Variants in COL4A4 observed in about 807,000 individuals in gnomAD.
COL4A4 encodes the protein collagen alpha-4(IV) chain.
Under a neutral mutation model 192.9 loss-of-function variants are expected in COL4A4, and 105 were observed. That is an observed-to-expected ratio of 0.54 (90% CI 0.46 to 0.64). COL4A4 has a LOEUF of 0.64. COL4A4 is among the 30% of genes least tolerant of loss of function. The pLI is 0.00. For synonymous variants in COL4A4, 762 were observed against 769.9 expected (o/e 0.99, Z 0.17); for missense variants, 1,967 against 2,169.3 (o/e 0.91, Z 1.85).
chr2:227,132,438 T>C (rs1559704534), intron 4 of COL4A4, among the ~76,000 whole-genome samples: 1 of 152,170 alleles, frequency 6.6e-6, no homozygotes. Flanking sequence ...GCCGAATGAA[T>C]GGAAAGCTAT....
In COL4A4 at chr2:227,090,477, G is replaced by A. The variant is rs183407513; in HGVS notation, c.1370-520C>T. ...AAAAAAGCATAAACTGGCCTGGTGC[G>A]ATGGCTCACACCTGTAATCCCAGCA... On this transcript the variant is annotated intron_variant, in intron 20 of 47. Coordinates refer to ENST00000396625, the MANE Select transcript of COL4A4 (RefSeq NM_000092.5). 7.5e-4 allele frequency among the ~76,000 whole-genome samples: 114 copies of A among 152,234 alleles called. 1 individual carries two copies. The South Asian group carries it at 0.011, about 14-fold the overall frequency.
intron 24 of COL4A4, among the ~76,000 whole-genome samples, chr2:227,078,364 T>C (rs1488167725): frequency 1.3e-5 from 2 of 152,136 alleles, no homozygotes; most frequent in African/African-American, 2.4e-5. Context: ...TGCCTCAGCC[T>C]CCTGAGTAGC....
the COL4A4 span, among the ~76,000 whole-genome samples, chr2:226,985,797 G>A: frequency 1.4e-4 from 22 of 152,226 alleles, no homozygotes; most frequent in Non-Finnish European, 2.8e-4. Context: ...GGTTAGGGAT[G>A]ATTCCAGACC....
chr2:226,973,011 A>G, the COL4A4 span, among the ~76,000 whole-genome samples: 3 of 151,534 alleles, frequency 2.0e-5, no homozygotes, highest in South Asian at 6.2e-4. Flanking sequence ...ATTTCTTGGT[A>G]GGCCTGGACT....
intron 37 of COL4A4, among the ~76,000 whole-genome samples, chr2:227,036,329 A>G (rs1282263251): frequency 1.3e-5 from 2 of 152,156 alleles, no homozygotes; most frequent in East Asian, 1.9e-4. Context: ...GCCTGAAAAC[A>G]TTACTCGACA....
intron 12 of COL4A4, among the ~76,000 whole-genome samples, chr2:227,105,890 A>T (rs560521858): frequency 2.0e-4 from 30 of 152,268 alleles, no homozygotes; most frequent in African/African-American, 7.2e-4. Context: ...GGAGATTGTA[A>T]TATTACCTAC....
intron 28 of COL4A4, among the ~76,000 whole-genome samples, chr2:227,059,170 AGTT>A (rs1277223604): frequency 6.6e-6 from 1 of 152,232 alleles, no homozygotes; most frequent in Non-Finnish European, 1.5e-5. Flanking sequence ...AATCAAATTG[AGTT>A]GAATGAACCA....
intron 4 of COL4A4, among the ~76,000 whole-genome samples, chr2:227,139,012 A>T (rs1169693391): frequency 6.6e-6 from 1 of 152,222 alleles, no homozygotes; most frequent in African/African-American, 2.4e-5. Flanking sequence ...CCCCAAGGTG[A>T]TAGTAGGAGG....
chr2:226,990,596 T>C, the COL4A4 span, among the ~76,000 whole-genome samples: 3 of 152,186 alleles, frequency 2.0e-5, no homozygotes, highest in African/African-American at 7.2e-5. Flanking sequence ...CTCATGGTGT[T>C]CCTTTTAGCA....
chr2:226,991,064 T>A, the COL4A4 span, among the ~76,000 whole-genome samples: 4 of 152,236 alleles, frequency 2.6e-5, no homozygotes, highest in Non-Finnish European at 2.9e-5. Flanking sequence ...TTTTTATATC[T>A]ATTTCTCAGA....
intron 4 of COL4A4, among the ~76,000 whole-genome samples, chr2:227,124,262 T>C (rs1409690553): frequency 2.6e-5 from 4 of 151,494 alleles, no homozygotes; most frequent in Non-Finnish European, 4.4e-5. Context: ...TTCTATGAGG[T>C]TGGTGCAAAA....
the COL4A4 span, among the ~76,000 whole-genome samples, chr2:226,984,522 C>T: frequency 6.6e-6 from 1 of 152,204 alleles, no homozygotes; most frequent in Non-Finnish European, 1.5e-5. Context: ...CCTCCACATG[C>T]CATCACATTG....
chr2:226,978,773 C>T, the COL4A4 span, among the ~76,000 whole-genome samples: 74,906 of 151,952 alleles, frequency 0.49, 19,315 homozygotes, highest in African/African-American at 0.66. Flanking sequence ...AGGACCCTCA[C>T]TGGGGGTGAT....
intron 37 of COL4A4, among the ~76,000 whole-genome samples, chr2:227,036,626 C>T (rs6717168): frequency 0.42 from 64,492 of 151,996 alleles, 13,855 homozygotes; most frequent in South Asian, 0.56. Context: ...TGTGAGTGCC[C>T]ACTAAGGGTG....
intron 31 of COL4A4, 98 bp from the exon 32 acceptor site, chr2:227,052,510 T>A: frequency 1.3e-6 from 1 of 762,806 alleles, no homozygotes; most frequent in Non-Finnish European, 2.4e-6. Context: ...AATTCCCACT[T>A]AACCTACGAA....
chr2:227,065,260 G>A (rs1202972813), intron 25 of COL4A4, among the ~76,000 whole-genome samples: 8 of 152,356 alleles, frequency 5.3e-5, no homozygotes, highest in Non-Finnish European at 1.2e-4. Flanking sequence ...TGCTAGCACA[G>A]CAGTCTGAGA....
intron 25 of COL4A4, among the ~76,000 whole-genome samples, chr2:227,075,008 T>C (rs1485771294): frequency 6.6e-6 from 1 of 151,924 alleles, no homozygotes; most frequent in Non-Finnish European, 1.5e-5. Flanking sequence ...ACCAATGAGG[T>C]AGTGAGCCTA....
At chr2:227,155,155 T>C (rs895050460) in intron 1 of COL4A4, among the ~76,000 whole-genome samples, 4 of 152,206 alleles carry the variant, frequency 2.6e-5, no homozygotes, top group Non-Finnish European at 1.5e-5. Context: ...TTGATCAGAA[T>C]GTGCTGGACT....
chr2:226,968,911 A>G, the COL4A4 span: 1 of 151,750 alleles, frequency 6.6e-6, no homozygotes, highest in Non-Finnish European at 1.5e-5. Flanking sequence ...GGATGGAAGA[A>G]GATGATATTT....
Sources: allele counts gnomAD v4.1 joint callset (sites outside exome capture counted in the v4.1 genomes callset), GRCh38; gene constraint gnomAD v4.1.1; transcripts MANE v1.5; gene names NCBI Gene and HGNC (gene_info 2026-07-23, HGNC 2026-07-21).